DCHS2: variants seen among roughly 807,000 people sequenced by gnomAD.
DCHS2 encodes dachsous cadherin-related 2.
Under a neutral mutation model 182.4 loss-of-function variants are expected in DCHS2, and 142 were observed. The observed-to-expected ratio is 0.78, with a 90% confidence interval of 0.68 to 0.89. DCHS2 has a LOEUF of 0.89. DCHS2 is among the 40% of genes least tolerant of loss of function. The pLI is 0.00. For missense variants in DCHS2, 4,319 were observed against 4,198.6 expected (o/e 1.03, Z -0.79); for synonymous variants, 1,740 against 1,663.3 (o/e 1.05, Z -1.12).
At chr4:154,389,336 A>G (rs920634386) in intron 1 of DCHS2, among the ~76,000 whole-genome samples, 24 of 151,954 alleles carry the variant, frequency 1.6e-4, no homozygotes, top group African/African-American at 5.6e-4. Flanking sequence ...GATCTAAAGC[A>G]TAAGAAGTAA....
At chr4:154,351,617 G>A (rs534871481) in intron 3 of DCHS2, among the ~76,000 whole-genome samples, 24 of 152,178 alleles carry the variant, frequency 1.6e-4, no homozygotes, top group African/African-American at 4.6e-4. Flanking sequence ...GACCGGTTTC[G>A]TGGAAGACAA....
chr4:154,328,607 A>T (rs905433376), intron 6 of DCHS2, among the ~76,000 whole-genome samples: 6 of 152,184 alleles, frequency 3.9e-5, no homozygotes, highest in Admixed American at 3.3e-4. Context: ...AACAAAACTC[A>T]TGCAGGACAT....
At chr4:154,283,118 C>T (rs1734227093) in intron 13 of DCHS2, among the ~76,000 whole-genome samples, 1 of 152,030 alleles carries the variant, frequency 6.6e-6, no homozygotes, top group Non-Finnish European at 1.5e-5. Flanking sequence ...ACACAGTTAA[C>T]ACTGTCGTAG....
intron 1 of DCHS2, among the ~76,000 whole-genome samples, chr4:154,474,249 C>T (rs1437739792): frequency 6.6e-6 from 1 of 152,178 alleles, no homozygotes; most frequent in Non-Finnish European, 1.5e-5. Context: ...AGAGCGTTAA[C>T]TTACATCAAC....
Position 154,239,245 on chromosome 4 carries a change from C to T in DCHS2, c.7417G>A (p.Asp2473Asn). The change falls in exon 19 of 20, where the codon GAC becomes AAC. Residue 2473 changes from aspartate (D) to asparagine (N), a missense_variant. Asp to Asn is a conservative substitution (Grantham distance 23, BLOSUM62 1). Transcript: ENST00000357232. ...GYSVLTLSATDLESNENISYR... is the reference protein window; with the variant it reads ...GYSVLTLSATNLESNENISYR... The stretch of plus-strand genomic sequence containing the variant: ...GAAATGTTCTCATTGCTTTCTAAGT[C>T]TGTGGCTGACAGAGTCAGCACTGAA... 1 of 1,613,496 alleles carries T rather than the reference C, an allele frequency of 6.2e-7. No homozygotes were observed. Among genetic ancestry groups the T allele is most frequent in the Non-Finnish European group, 8.5e-7 (1 of 1,179,714 alleles).
intron 2 of DCHS2, among the ~76,000 whole-genome samples, chr4:154,372,284 T>C (rs1730680709): frequency 6.6e-6 from 1 of 152,176 alleles, no homozygotes; most frequent in African/African-American, 2.4e-5. Flanking sequence ...TGAACATTTG[T>C]TAGAAAGTTA....
In DCHS2 at chr4:154,236,899, C is replaced by T; in HGVS notation, c.7753G>A (p.Val2585Ile). Reference sequence around the variant, plus strand: ...TTACCACTGATGATGGAATATTCAACATATGTGTTTTCACGGGTCCAGTCA... The same window carrying T: ...TTACCACTGATGATGGAATATTCAATATATGTGTTTTCACGGGTCCAGTCA... ...DHDWTRENTY[V>I]EYSIISGNSQ... The change falls in exon 20 of 20, where the codon GTT becomes ATT. Residue 2585 changes from valine to isoleucine, a missense_variant. Transcript: ENST00000357232. 6.2e-7 allele frequency: 1 copy of T among 1,614,070 alleles called. No individual in the cohort carries two copies. The highest frequency in any genetic ancestry group is 1.1e-5 in the South Asian group (1 of 91,078).
chr4:154,466,075 A>G (rs774484858), intron 1 of DCHS2, among the ~76,000 whole-genome samples: 9 of 152,304 alleles, frequency 5.9e-5, no homozygotes, highest in Non-Finnish European at 1.2e-4. Flanking sequence ...AAATTAATTA[A>G]GTTTCAAATT....
Position 154,240,715 on chromosome 4 carries a change from G to A in DCHS2, c.7181C>T (p.Ala2394Val), listed in dbSNP as rs747273054. 3 of 1,613,884 alleles carry A rather than the reference G, an allele frequency of 1.9e-6. No individual in the cohort carries two copies. Among genetic ancestry groups the A allele is most frequent in the South Asian group, 2.2e-5 (2 of 91,076 alleles). The change falls in exon 18 of 20, where the codon GCT (alanine) becomes GTT (valine). Residue 2394 changes from alanine to valine, a missense_variant. By Grantham distance (64) the Ala-to-Val change is moderately conservative (BLOSUM62 0). Transcript: ENST00000357232. ...AKESNPGTKFAIDQNTGVVVL... is the reference protein window; with the variant it reads ...AKESNPGTKFVIDQNTGVVVL... ...CACCACTCCAGTGTTCTGATCAATAGCAAACTTGGTTCCAGGATTACTCTC... is the reference window on the plus strand; with the variant it reads ...CACCACTCCAGTGTTCTGATCAATAACAAACTTGGTTCCAGGATTACTCTC...
rs148797351 is a variant in DCHS2, at chr4:154,407,168, G to C, written c.2053-29724C>G. On this transcript the variant is annotated intron_variant, in intron 1 of 19. Transcript: ENST00000357232. ...GAAATGCCCAAATTCTGGGACTCAG[G>C]CATCTTTCGCTTGGGATTGAGGGCT... Among the ~76,000 whole-genome samples, 230 of 152,280 alleles carry C rather than the reference G, an allele frequency of 1.5e-3. 1 individual carries two copies. The highest frequency in any genetic ancestry group is 4.4e-3 in the African/African-American group (181 of 41,566).
intron 1 of DCHS2, among the ~76,000 whole-genome samples, chr4:154,419,288 A>G (rs1459261589): frequency 6.6e-6 from 1 of 152,242 alleles, no homozygotes; most frequent in Non-Finnish European, 1.5e-5. Context: ...AGGTTATTAT[A>G]AGCAGGTTTT....
chr4:154,339,511 G>A lies in DCHS2; in HGVS notation c.2477-4407C>T, dbSNP rs183341994. ...GTTGCCCAGGCTGGAGTGCAGTGGC[G>A]TGATCTCGGCTCACTGCAACCTCTG... On this transcript the variant is annotated intron_variant, in intron 3 of 19. Transcript: ENST00000357232. Among the ~76,000 whole-genome samples, 143 of 151,140 alleles carry A rather than the reference G, an allele frequency of 9.5e-4. 1 individual carries two copies. The highest frequency in any genetic ancestry group is 2.7e-3 in the African/African-American group (109 of 41,118).
At chr4:154,313,460 CAT>C (rs1329650136) in intron 10 of DCHS2, among the ~76,000 whole-genome samples, 2 of 152,034 alleles carry the variant, frequency 1.3e-5, no homozygotes, top group Non-Finnish European at 2.9e-5. Context: ...CTAGAAAACA[CAT>C]GTTAAGCTCT....
chr4:154,255,084 T>G (rs1457674213), intron 16 of DCHS2, among the ~76,000 whole-genome samples: 1 of 152,210 alleles, frequency 6.6e-6, no homozygotes, highest in East Asian at 1.9e-4. Flanking sequence ...CAACAGGACC[T>G]TCAAGACAGC....
chr4:154,384,350 C>T, intron 1 of DCHS2: 1 of 1,610,782 alleles, frequency 6.2e-7, no homozygotes, highest in Non-Finnish European at 8.5e-7. Flanking sequence ...TCCTCATGCA[C>T]CACCTGACTG....
At chr4:154,267,125 G>C (rs1733315785) in intron 14 of DCHS2, among the ~76,000 whole-genome samples, 1 of 152,180 alleles carries the variant, frequency 6.6e-6, no homozygotes. Context: ...TGGCAGCTTT[G>C]ATGAATGTTA....
At chr4:154,445,399 C>T (rs1479000978) in intron 1 of DCHS2, among the ~76,000 whole-genome samples, 2 of 152,134 alleles carry the variant, frequency 1.3e-5, no homozygotes, top group Non-Finnish European at 2.9e-5. Context: ...TGCAAGTAAC[C>T]GAAGGAAACT....
chr4:154,356,567 T>C (rs1349152753), intron 3 of DCHS2, among the ~76,000 whole-genome samples: 1 of 152,212 alleles, frequency 6.6e-6, no homozygotes, highest in Non-Finnish European at 1.5e-5. Flanking sequence ...ATCAGTGCCC[T>C]ATACAGGTGT....
At chr4:154,256,154 T>C (rs986511133) in intron 15 of DCHS2, among the ~76,000 whole-genome samples, 1 of 152,180 alleles carries the variant, frequency 6.6e-6, no homozygotes, top group African/African-American at 2.4e-5. Context: ...TTTTATTTTA[T>C]TTTATTTTTG....
Sources: allele counts gnomAD v4.1 joint callset (sites outside exome capture counted in the v4.1 genomes callset), GRCh38; gene constraint gnomAD v4.1.1; transcripts MANE v1.5; gene names NCBI Gene and HGNC (gene_info 2026-07-23, HGNC 2026-07-21).